The following ZFYVE28 variants were observed in gnomAD, a reference collection of about 807,000 sequenced individuals.
ZFYVE28 encodes lateral signaling target protein 2 homolog.
ZFYVE28 carries 40 observed loss-of-function variants against 82.1 expected under a neutral mutation model. The ratio of observed to expected loss-of-function variants is 0.49; its 90% CI spans 0.38 to 0.63. ZFYVE28 has a LOEUF of 0.63. Ranked by LOEUF, ZFYVE28 falls within the 30% of genes least tolerant of loss-of-function variation. The pLI is 0.00. For synonymous variants in ZFYVE28, 612 were observed against 546.1 expected, an observed-to-expected ratio of 1.12 and a Z score of -1.68; for missense variants, 1,321 against 1,242.1, an observed-to-expected ratio of 1.06 and a Z score of -0.96.
In ZFYVE28 at chr4:2,418,399, G is replaced by C. The variant is rs1489897213; in HGVS notation, c.-76C>G. On this transcript the variant is annotated 5_prime_UTR_variant, in exon 1 of 13. Coordinates refer to ENST00000290974, the MANE Select transcript of ZFYVE28 (RefSeq NM_020972.3). The surrounding 1 kb of genome is among the most constrained non-coding windows in gnomAD (Gnocchi z 4.6). ...CTGCGCCCGGGCCCGGCTGAGGCGC[G>C]GGGCGGACGCGGAGGCACGGCCGGA... The C allele has an allele frequency of 1.8e-6, 2 of 1,134,658 alleles. No homozygotes were observed. The highest frequency in any genetic ancestry group is 4.5e-5 in the East Asian group (1 of 22,334). 70.3% of individuals were successfully genotyped at this position (1,134,658 alleles called of 1,614,324 possible).
At chr4:2,301,721 T>C (rs987623388) in intron 8 of ZFYVE28, among the ~76,000 whole-genome samples, 1 of 152,032 alleles carries the variant, frequency 6.6e-6, no homozygotes, top group Non-Finnish European at 1.5e-5. Context: ...CTCCCACTTA[T>C]CCTGTCAAAG....
In ZFYVE28 at chr4:2,313,418, AC is replaced by A. The variant is rs1450310991; in HGVS notation, c.803+6751del. Among the ~76,000 whole-genome samples, 3 of 151,848 alleles carry A rather than the reference AC, an allele frequency of 2.0e-5. No individual in the cohort carries two copies. In the East Asian group the frequency reaches 5.8e-4, roughly 29 times the overall value. The stretch of plus-strand genomic sequence containing the variant: ...TGGGACCACAGATATGTGCCACCAC[AC>A]CCATTTTTTTACATTTTTTGTAGAG... On this transcript the variant is annotated intron_variant, in intron 7 of 12. Transcript: ENST00000290974.
At chr4:2,278,102 A>C (rs1350503401) in intron 8 of ZFYVE28, among the ~76,000 whole-genome samples, 2 of 152,232 alleles carry the variant, frequency 1.3e-5, no homozygotes, top group African/African-American at 4.8e-5. Context: ...GCTGCCGGAA[A>C]ACCGGAGACA....
Position 2,418,191 on chromosome 4 carries a change from G to T in ZFYVE28, c.39+94C>A. ...GGGGGAAGAGGCCGGCCACGGACAG[G>T]GAAAGGGAGTCCGTCTTGTAGGGCG... On this transcript the variant is annotated intron_variant, in intron 1 of 12. Transcript: ENST00000290974. This position sits in a 1 kb window ranked among gnomAD's most constrained non-coding sequence, Gnocchi z 4.6. 7.9e-7 allele frequency: 1 copy of T among 1,266,172 alleles called. No homozygotes were observed. The highest frequency in any genetic ancestry group is 1.1e-6 in the Non-Finnish European group (1 of 935,422). The allele number at this position is 1,266,172 out of a possible 1,614,324, so 78.4% of individuals were successfully genotyped here.
Position 2,409,498 on chromosome 4 carries a change from C to G in ZFYVE28, c.39+8787G>C, listed in dbSNP as rs1229447001. 2.0e-5 allele frequency among the ~76,000 whole-genome samples: 3 copies of G among 152,276 alleles called. No homozygotes were observed. The highest frequency in any genetic ancestry group is 3.9e-4 in the East Asian group (2 of 5,164). On this transcript the variant is annotated intron_variant, in intron 1 of 12. Coordinates refer to ENST00000290974, the MANE Select transcript of ZFYVE28 (RefSeq NM_020972.3). The surrounding 1 kb of genome is among the most constrained non-coding windows in gnomAD (Gnocchi z 4.4). ...TCCCCTGTGCTCCAAGTGCACCCAGCCTTTCAGGCTCCGCGACCCACACCC... is the reference window on the plus strand; with the variant it reads ...TCCCCTGTGCTCCAAGTGCACCCAGGCTTTCAGGCTCCGCGACCCACACCC...
At position 2,409,430 on chromosome 4, in the gene ZFYVE28, C is replaced by G. The variant is rs76828738; in HGVS notation, c.39+8855G>C. ...CCCACCTTCCTTGCCTGTGACCCAT[C>G]CCCAGGCGACCTCCCAACCCCATCT... On this transcript the variant is annotated intron_variant, in intron 1 of 12. Transcript: ENST00000290974. This position sits in a 1 kb window ranked among gnomAD's most constrained non-coding sequence, Gnocchi z 4.4. 0.03 allele frequency among the ~76,000 whole-genome samples: 4,529 copies of G among 152,206 alleles called. 102 individuals carry two copies. The highest frequency in any genetic ancestry group is 0.044 in the Non-Finnish European group (2,976 of 67,998).
At chr4:2,360,093 G>T (rs573403226) in intron 1 of ZFYVE28, among the ~76,000 whole-genome samples, 4 of 152,112 alleles carry the variant, frequency 2.6e-5, no homozygotes, top group African/African-American at 9.7e-5. Flanking sequence ...ATGTCTAGGG[G>T]CCATGGGCTC....
In ZFYVE28 at chr4:2,304,350, T is replaced by C; in HGVS notation, c.1990A>G (p.Arg664Gly). 1 of 1,608,988 alleles carries C rather than the reference T, an allele frequency of 6.2e-7. No homozygotes were observed. The highest frequency in any genetic ancestry group is 8.5e-7 in the Non-Finnish European group (1 of 1,179,804). The change falls in exon 8 of 13, where the codon AGA becomes GGA. Residue 664 changes from arginine (R) to glycine (G), a missense_variant. This residue lies in a region of ZFYVE28 where 978 missense variants were observed against 833.7 expected (regional missense o/e 1.17). Transcript: ENST00000290974. ...GVAGQQEPEARELHAGSPSAH... is the reference protein window; with the variant it reads ...GVAGQQEPEAGELHAGSPSAH... Reference sequence around the variant, plus strand: ...GAGGGGCTCCCAGCATGCAGCTCTCTGGCCTCTGGCTCCTGCTGACCTGCA... The same window carrying C: ...GAGGGGCTCCCAGCATGCAGCTCTCCGGCCTCTGGCTCCTGCTGACCTGCA...
In ZFYVE28 at chr4:2,270,305, C is replaced by A; in HGVS notation, c.*420G>T. ...TAGGGAGCCCTGCTGTGCCAAAGAG[C>A]CTGTGGAGTGGCCCTTGCTCCGGCT... On this transcript the variant is annotated 3_prime_UTR_variant, in exon 13 of 13. Coordinates refer to ENST00000290974, the MANE Select transcript of ZFYVE28 (RefSeq NM_020972.3). 1 of 224,296 alleles carries A rather than the reference C, an allele frequency of 4.5e-6. No homozygotes were observed. Among genetic ancestry groups the A allele is most frequent in the Non-Finnish European group, 9.0e-6 (1 of 111,086 alleles). The allele number at this position is 224,296 out of a possible 1,614,324, so 13.9% of individuals were successfully genotyped here. A position where few individuals can be genotyped will look rare whatever the true frequency, so the allele number is the denominator to read the frequency against.
At chr4:2,351,118 G>C (rs1463096551) in intron 2 of ZFYVE28, among the ~76,000 whole-genome samples, 8 of 152,152 alleles carry the variant, frequency 5.3e-5, no homozygotes, top group African/African-American at 1.7e-4. Flanking sequence ...CTGAATGGGG[G>C]GCCGTCTTGT....
intron 1 of ZFYVE28, among the ~76,000 whole-genome samples, chr4:2,402,581 G>A (rs1046025103): frequency 2.0e-5 from 3 of 152,198 alleles, no homozygotes; most frequent in Non-Finnish European, 4.4e-5. Context: ...CCGGGGAAGT[G>A]GCCGGCAGAA....
At chr4:2,348,627 C>G (rs1184707470) in intron 2 of ZFYVE28, among the ~76,000 whole-genome samples, 1 of 152,080 alleles carries the variant, frequency 6.6e-6, no homozygotes, top group Non-Finnish European at 1.5e-5. Context: ...TTTTAACATT[C>G]AAAAATCAAT....
At chr4:2,336,275 C>T (rs1331524150) in intron 5 of ZFYVE28, among the ~76,000 whole-genome samples, 1 of 152,176 alleles carries the variant, frequency 6.6e-6, no homozygotes, top group African/African-American at 2.4e-5. Context: ...TCCTGCACCT[C>T]GTGAGCAGGC....
At chr4:2,303,705 G>T (rs1237767111) in intron 8 of ZFYVE28, among the ~76,000 whole-genome samples, 2 of 152,084 alleles carry the variant, frequency 1.3e-5, no homozygotes, top group South Asian at 4.1e-4. Context: ...GGAGGAGAGA[G>T]TCCTGGGAGG....
At position 2,303,642 on chromosome 4, in the gene ZFYVE28, G is replaced by GA. The variant is rs573794644; in HGVS notation, c.2051+646dup. On this transcript the variant is annotated intron_variant, in intron 8 of 12. Transcript: ENST00000290974. ...TCCCTGTCTCCAGAGTGGGGGATGG[G>GA]AGCCCATGAGAAGAGATAGGAGACC... Among the ~76,000 whole-genome samples the GA allele has an allele frequency of 4.3e-4, 66 of 152,252 alleles. No homozygotes were observed. The South Asian group carries it at 0.013, about 29-fold the overall frequency.
intron 1 of ZFYVE28, among the ~76,000 whole-genome samples, chr4:2,415,424 C>A (rs988841922): frequency 6.8e-6 from 1 of 146,480 alleles, no homozygotes; most frequent in Non-Finnish European, 1.5e-5. Flanking sequence ...TGAGTCCAGC[C>A]GGGGCAACAT....
chr4:2,320,291 G>A lies in ZFYVE28; in HGVS notation c.702-20C>T, dbSNP rs775395130. On this transcript the variant is annotated intron_variant, in intron 6 of 12. Transcript: ENST00000290974. This position sits in a 1 kb window ranked among gnomAD's most constrained non-coding sequence, Gnocchi z 5.1. The stretch of plus-strand genomic sequence containing the variant: ...AGGCCACTGCATTTGAGACACAAAA[G>A]CCAGGATGTCAGGCCCTGTGGCCCC... 8 of 1,610,936 alleles carry A rather than the reference G, an allele frequency of 5.0e-6. No individual in the cohort carries two copies. The highest frequency in any genetic ancestry group is 6.8e-6 in the Non-Finnish European group (8 of 1,178,016).
chr4:2,294,708 A>C (rs1714266049), intron 8 of ZFYVE28, among the ~76,000 whole-genome samples: 1 of 152,270 alleles, frequency 6.6e-6, no homozygotes, highest in South Asian at 2.1e-4. Flanking sequence ...AATTATATCC[A>C]GAATATATAA....
rs913968800 is a variant in ZFYVE28, at chr4:2,300,771, G to C, written c.2051+3518C>G. ...TTTGCAGTACACGGAGACGCGACTC[G>C]CACGTGAGACTGGAAGCCGTGAATC... On this transcript the variant is annotated intron_variant, in intron 8 of 12. Coordinates refer to ENST00000290974, the MANE Select transcript of ZFYVE28 (RefSeq NM_020972.3). This position sits in a 1 kb window ranked among gnomAD's most constrained non-coding sequence, Gnocchi z 4.6. 2.0e-5 allele frequency among the ~76,000 whole-genome samples: 3 copies of C among 152,082 alleles called. No homozygotes were observed. The highest frequency in any genetic ancestry group is 7.2e-5 in the African/African-American group (3 of 41,416).
Sources: gnomAD v4.1 joint callset for allele counts (sites outside exome capture counted in the v4.1 genomes callset) on GRCh38, gnomAD v4.1.1 for gene constraint, gnomAD v4.1.1 regional missense constraint, Gnocchi (gnomAD v3.1) non-coding constraint, MANE v1.5 for transcripts, NCBI Gene and HGNC (gene_info 2026-07-23, HGNC 2026-07-21) for gene names.